SPEF2: variants seen among roughly 807,000 people sequenced by gnomAD.
SPEF2 encodes sperm flagellar and cilia associated 2.
Under a neutral mutation model 224.6 loss-of-function variants are expected in SPEF2, and 187 were observed. The ratio of observed to expected loss-of-function variants is 0.83; its 90% CI spans 0.74 to 0.94. SPEF2 has a LOEUF of 0.94. Ranked by LOEUF, SPEF2 falls within the 40% of genes least tolerant of loss-of-function variation. The pLI is 0.00. For missense variants in SPEF2, 2,170 were observed against 2,135.6 expected (o/e 1.02, Z -0.32); for synonymous variants, 715 against 707.3 (o/e 1.01, Z -0.17).
intron 24 of SPEF2, 43 bp downstream of exon 24, chr5:35,753,804 A>G (rs1433369367): frequency 6.2e-7 from 1 of 1,612,032 alleles, no homozygotes; most frequent in African/African-American, 1.3e-5. Flanking sequence ...TTCCCTTCAC[A>G]GCCTCATTCC....
At chr5:35,644,256 T>C (rs1257661458) in intron 3 of SPEF2, 99 bp from the exon 4 acceptor site, 4 of 1,080,870 alleles carry the variant, frequency 3.7e-6, no homozygotes, top group Non-Finnish European at 5.1e-6. Context: ...AATAGTAATT[T>C]AAAGAATTTC....
At position 35,700,342 on chromosome 5, in the gene SPEF2, A is replaced by G. The variant is rs1029137302; in HGVS notation, c.2142-154A>G. 5.9e-6 allele frequency: 4 copies of G among 683,468 alleles called. No individual in the cohort carries two copies. The African/African-American group carries it at 7.2e-5, about 12-fold the overall frequency. 42.3% of individuals were successfully genotyped at this position (683,468 alleles called of 1,614,324 possible). On this transcript the variant is annotated intron_variant, in intron 15 of 36. Transcript: ENST00000356031. Reference sequence around the variant, plus strand: ...TTTTAAGCAAGGGAGTGATTGTGGCACATCAGTAAACCTAATCTTTTAGCT... The same window carrying G: ...TTTTAAGCAAGGGAGTGATTGTGGCGCATCAGTAAACCTAATCTTTTAGCT...
chr5:35,670,663 G>A (rs1004649142), intron 10 of SPEF2: 1 of 985,658 alleles, frequency 1.0e-6, no homozygotes, highest in South Asian at 4.7e-5. Context: ...GAATAGCATA[G>A]ATTCAAACAA....
chr5:35,642,086 C>G (rs943394327), intron 3 of SPEF2, among the ~76,000 whole-genome samples: 4 of 152,088 alleles, frequency 2.6e-5, no homozygotes, highest in Non-Finnish European at 5.9e-5. Flanking sequence ...GTTTCTACCC[C>G]ATCATATCTG....
chr5:35,684,091 ATC>A (rs1753223499), intron 10 of SPEF2: 1 of 152,132 alleles, frequency 6.6e-6, no homozygotes, highest in East Asian at 1.9e-4. Context: ...ATTTAATCAT[ATC>A]TACATAGATA....
intron 19 of SPEF2, chr5:35,710,967 G>A: frequency 3.8e-6 from 3 of 798,912 alleles, no homozygotes; most frequent in Non-Finnish European, 4.5e-6. Context: ...ACCTTACTGT[G>A]ATGGACATTG....
At chr5:35,707,313 T>C (rs947398308) in intron 18 of SPEF2, among the ~76,000 whole-genome samples, 1 of 152,172 alleles carries the variant, frequency 6.6e-6, no homozygotes, top group African/African-American at 2.4e-5. Context: ...GCAGCATATA[T>C]ATACTTGATG....
At chr5:35,708,622 T>A (rs1482284397) in intron 18 of SPEF2, among the ~76,000 whole-genome samples, 5 of 504 alleles carry the variant, frequency 9.9e-3, no homozygotes, top group East Asian at 0.036. Flanking sequence ...CACCTCTACC[T>A]CCACCACCAT....
chr5:35,752,914 T>C (rs996337055), intron 23 of SPEF2, among the ~76,000 whole-genome samples: 1 of 150,186 alleles, frequency 6.7e-6, no homozygotes, highest in African/African-American at 2.4e-5. Flanking sequence ...ACTATTTTTA[T>C]TATATTTATA....
intron 29 of SPEF2, among the ~76,000 whole-genome samples, chr5:35,777,246 T>C (rs1217569479): frequency 6.6e-6 from 1 of 152,200 alleles, no homozygotes; most frequent in Non-Finnish European, 1.5e-5. Context: ...TCTCTGGTCC[T>C]TGTCTCATAG....
At chr5:35,670,933 A>T in intron 10 of SPEF2, 1 of 985,438 alleles carries the variant, frequency 1.0e-6, no homozygotes, top group Non-Finnish European at 1.2e-6. Context: ...TTCATGTTGG[A>T]TGCATATAAT....
intron 10 of SPEF2, chr5:35,670,776 C>T (rs772866487): frequency 2.4e-5 from 24 of 983,796 alleles, no homozygotes; most frequent in Non-Finnish European, 2.8e-5. Flanking sequence ...AGCTACATTA[C>T]TGAAATTGCC....
At chr5:35,766,324 C>T (rs978985032) in intron 26 of SPEF2, among the ~76,000 whole-genome samples, 5 of 151,968 alleles carry the variant, frequency 3.3e-5, no homozygotes, top group African/African-American at 1.2e-4. Flanking sequence ...AATTCATTAT[C>T]TTTAATAGAT....
intron 1 of SPEF2, 104 bp downstream of exon 1, chr5:35,618,159 T>A (rs1742929990): frequency 7.7e-7 from 1 of 1,292,546 alleles, no homozygotes. Flanking sequence ...GGGCGCGAGC[T>A]GCACAGGTGG....
intron 2 of SPEF2, among the ~76,000 whole-genome samples, chr5:35,633,265 A>G (rs1358991383): frequency 6.6e-6 from 1 of 151,868 alleles, no homozygotes; most frequent in African/African-American, 2.4e-5. Flanking sequence ...TGAGTTGTCT[A>G]TTTCTCCCTC....
chr5:35,772,031 G>C (rs1447782646), intron 27 of SPEF2, among the ~76,000 whole-genome samples: 1 of 152,150 alleles, frequency 6.6e-6, no homozygotes. Flanking sequence ...TTCCAGGATG[G>C]TACTATGTCA....
intron 20 of SPEF2, among the ~76,000 whole-genome samples, chr5:35,713,410 T>A (rs1397266999): frequency 2.0e-5 from 3 of 152,054 alleles, no homozygotes; most frequent in Non-Finnish European, 4.4e-5. Context: ...TTTTTTGTAA[T>A]CCTTTAAGCC....
chr5:35,763,651 A>G lies in SPEF2; in HGVS notation c.3750A>G (p.Glu1250=), dbSNP rs773622479. The G allele has an allele frequency of 3.1e-6, 5 of 1,613,890 alleles. No homozygotes were observed. Among genetic ancestry groups the G allele is most frequent in the Admixed American group, 1.7e-5 (1 of 59,950 alleles). ...TTGAGTCCAACTTTGAGGCCGATGA[A>G]AAGTTGGTCATGGACACCTGGCAGC... is the stretch of plus-strand genomic sequence containing the variant. The part of the protein sequence containing the change: ...ENVESNFEAD[E]KLVMDTWQQA... Residue 1250 remains glutamate (E), a synonymous_variant, in exon 26 of 37, where the codon GAA becomes GAG. Transcript: ENST00000356031.
intron 10 of SPEF2, among the ~76,000 whole-genome samples, chr5:35,679,632 A>T (rs1752506539): frequency 6.6e-6 from 1 of 152,208 alleles, no homozygotes; most frequent in African/African-American, 2.4e-5. Flanking sequence ...ATATGAAATT[A>T]ACCAGGTCAC....
Sources: allele counts gnomAD v4.1 joint callset (sites outside exome capture counted in the v4.1 genomes callset), GRCh38; gene constraint gnomAD v4.1.1; transcripts MANE v1.5; gene names NCBI Gene and HGNC (gene_info 2026-07-23, HGNC 2026-07-21).